EXOC4: variants seen among roughly 807,000 people sequenced by gnomAD.
The protein encoded by EXOC4 is exocyst complex component 4.
EXOC4 carries 71 observed loss-of-function variants against 107.2 expected under a neutral mutation model. The ratio of observed to expected loss-of-function variants is 0.66; its 90% confidence interval spans 0.55 to 0.81. The LOEUF (loss-of-function observed/expected upper bound fraction) is 0.81, where lower values mean the gene tolerates loss of function less well. Ranked by LOEUF, EXOC4 falls within the 30% of genes least tolerant of loss-of-function variation. The pLI, the probability that EXOC4 is intolerant of heterozygous loss-of-function variation, is 0.00. For missense variants in EXOC4, 1,108 were observed against 1,189.6 expected, an observed-to-expected ratio of 0.93 and a Z score of 1.01; for synonymous variants, 456 against 441.2, an observed-to-expected ratio of 1.03 and a Z score of -0.42.
chr7:133,995,390 C>T (rs1222169207), intron 14 of EXOC4, among the ~76,000 whole-genome samples: 1 of 152,126 alleles, frequency 6.6e-6, no homozygotes, highest in Non-Finnish European at 1.5e-5. Context: ...ACGTAGATAA[C>T]TCTCCATGCT....
chr7:133,934,705 C>T (rs929885332), intron 13 of EXOC4, among the ~76,000 whole-genome samples: 1 of 152,140 alleles, frequency 6.6e-6, no homozygotes, highest in African/African-American at 2.4e-5. Flanking sequence ...TTTTTCACCA[C>T]CCAGCTCAGA....
chr7:133,615,517 A>G (rs12707105), intron 9 of EXOC4, among the ~76,000 whole-genome samples: 151,054 of 152,276 alleles, frequency 0.99, 74,934 homozygotes, highest in Middle Eastern at 1. Context: ...AAGTTACATA[A>G]AGATTTTTGA....
Position 133,321,021 on chromosome 7 carries a change from G to A in EXOC4, c.763+3631G>A, listed in dbSNP as rs544116033. On this transcript the variant is annotated intron_variant, in intron 5 of 17. Coordinates refer to ENST00000253861, the MANE Select transcript of EXOC4 (RefSeq NM_021807.4). Reference sequence around the variant, plus strand: ...CGTTTTCAGCTGGGAATTTAACATAGGCTCTTAAAGCTCCTCTCTCATTTT... The same window carrying A: ...CGTTTTCAGCTGGGAATTTAACATAAGCTCTTAAAGCTCCTCTCTCATTTT... Among the ~76,000 whole-genome samples, 258 of 152,224 alleles carry A rather than the reference G, an allele frequency of 1.7e-3. 1 individual carries two copies. The highest frequency in any genetic ancestry group is 2.9e-3 in the Non-Finnish European group (200 of 68,006).
At chr7:133,256,565 T>C (rs1278273184) in intron 1 of EXOC4, among the ~76,000 whole-genome samples, 1 of 152,234 alleles carries the variant, frequency 6.6e-6, no homozygotes, top group Non-Finnish European at 1.5e-5. Context: ...TTGATCAGTT[T>C]AGCTTTTTAA....
chr7:133,347,358 C>T (rs1239093399), intron 5 of EXOC4, among the ~76,000 whole-genome samples: 1 of 151,888 alleles, frequency 6.6e-6, no homozygotes, highest in East Asian at 1.9e-4. Context: ...ATTCTCCTGC[C>T]TCAACCTCCC....
chr7:133,631,928 C>T (rs1260040678), intron 10 of EXOC4, among the ~76,000 whole-genome samples: 1 of 152,070 alleles, frequency 6.6e-6, no homozygotes, highest in Non-Finnish European at 1.5e-5. Flanking sequence ...TAAGTTGGAA[C>T]TCTTGTGCTT....
chr7:133,694,847 A>G (rs898529190), intron 10 of EXOC4, among the ~76,000 whole-genome samples: 1 of 151,926 alleles, frequency 6.6e-6, no homozygotes. Context: ...ACCTTTCATC[A>G]TCTTCCCTTC....
chr7:133,725,201 G>C (rs545992215), intron 10 of EXOC4, among the ~76,000 whole-genome samples: 1 of 152,148 alleles, frequency 6.6e-6, no homozygotes, highest in African/African-American at 2.4e-5. Flanking sequence ...TATGGCTAGC[G>C]TATTGGTCAG....
intron 10 of EXOC4, among the ~76,000 whole-genome samples, chr7:133,740,783 C>T (rs1795547413): frequency 6.6e-6 from 1 of 152,098 alleles, no homozygotes. Flanking sequence ...TTAATGTGAT[C>T]CTCTAGGAAT....
At chr7:133,574,612 G>A (rs1339214850) in intron 9 of EXOC4, among the ~76,000 whole-genome samples, 1 of 152,178 alleles carries the variant, frequency 6.6e-6, no homozygotes. Flanking sequence ...TAGCTGCCTT[G>A]ACCCTGAAGT....
chr7:133,835,781 C>G (rs536357038), intron 11 of EXOC4, among the ~76,000 whole-genome samples: 1 of 152,018 alleles, frequency 6.6e-6, no homozygotes, highest in African/African-American at 2.4e-5. Flanking sequence ...TTTATATTGT[C>G]GGCTTTTTAT....
chr7:133,527,783 C>G (rs1226159473), intron 9 of EXOC4, among the ~76,000 whole-genome samples: 1 of 152,140 alleles, frequency 6.6e-6, no homozygotes, highest in Non-Finnish European at 1.5e-5. Flanking sequence ...ACAAAACAGT[C>G]ATCAGTATTC....
the EXOC4 span, among the ~76,000 whole-genome samples, chr7:134,072,636 G>A: frequency 3.3e-5 from 5 of 152,114 alleles, no homozygotes; most frequent in African/African-American, 1.2e-4. Context: ...TGGGAGTAGC[G>A]TGTCCTGAAG....
intron 11 of EXOC4, among the ~76,000 whole-genome samples, chr7:133,840,287 G>T (rs1215479959): frequency 6.6e-6 from 1 of 151,984 alleles, no homozygotes; most frequent in Admixed American, 6.6e-5. Context: ...AGACACAAAA[G>T]AATATGTAAA....
chr7:133,792,987 T>A (rs1323980269), intron 10 of EXOC4, among the ~76,000 whole-genome samples: 1 of 152,072 alleles, frequency 6.6e-6, no homozygotes, highest in Non-Finnish European at 1.5e-5. Flanking sequence ...AAGACCCTAG[T>A]GAGGAAAGGA....
At chr7:133,607,501 CA>C (rs1385237411) in intron 9 of EXOC4, among the ~76,000 whole-genome samples, 1 of 152,150 alleles carries the variant, frequency 6.6e-6, no homozygotes, top group African/African-American at 2.4e-5. Context: ...TGTACCTAAG[CA>C]TTATCTGCAT....
intron 10 of EXOC4, among the ~76,000 whole-genome samples, chr7:133,646,689 AC>A (rs2151030206): frequency 6.6e-6 from 1 of 152,228 alleles, no homozygotes; most frequent in East Asian, 1.9e-4. Context: ...TAAGAGAGAA[AC>A]CAGTTGCTCT....
chr7:133,348,828 C>A (rs1471268600), intron 5 of EXOC4, among the ~76,000 whole-genome samples: 1 of 152,264 alleles, frequency 6.6e-6, no homozygotes, highest in African/African-American at 2.4e-5. Context: ...TTTTTTTGAT[C>A]TGCCTTCAGA....
chr7:133,795,836 A>G (rs1352966418), intron 10 of EXOC4, among the ~76,000 whole-genome samples: 1 of 152,274 alleles, frequency 6.6e-6, no homozygotes, highest in East Asian at 1.9e-4. Flanking sequence ...TATTAATTTC[A>G]CCAACTATAT....
Sources: gnomAD v4.1 joint callset for allele counts (sites outside exome capture counted in the v4.1 genomes callset) on GRCh38, gnomAD v4.1.1 for gene constraint, MANE v1.5 for transcripts, NCBI Gene and HGNC (gene_info 2026-07-23, HGNC 2026-07-21) for gene names.